Variants in GRM1 observed in about 807,000 individuals in gnomAD.
GRM1 encodes the protein glutamate metabotropic receptor 1.
In GRM1, 33 loss-of-function variants were observed where a neutral mutation model predicts 90.9. The observed-to-expected ratio is 0.36, with a 90% CI of 0.28 to 0.49. The LOEUF is 0.49. Among genes scored for constraint, GRM1 ranks in the 20% least tolerant of loss-of-function variants. The pLI, the probability that GRM1 is intolerant of heterozygous loss-of-function variation, is 0.99. For synonymous variants in GRM1, 700 were observed against 613.2 expected (o/e 1.14, Z -2.09); for missense variants, 1,190 against 1,534.3 (o/e 0.78, Z 3.75).
intron 1 of GRM1, among the ~76,000 whole-genome samples, chr6:146,062,136 A>C (rs908045997): frequency 3.9e-5 from 6 of 152,208 alleles, no homozygotes; most frequent in African/African-American, 1.4e-4. Flanking sequence ...AATGTGGCAC[A>C]TATACACCAG....
chr6:146,046,789 G>T (rs2128845375), intron 1 of GRM1, among the ~76,000 whole-genome samples: 1 of 151,998 alleles, frequency 6.6e-6, no homozygotes. Context: ...AAATTTTATG[G>T]GTACCCTGCA....
intron 7 of GRM1, 40 bp from the exon 8 acceptor site, chr6:146,433,832 G>T: frequency 7.4e-7 from 1 of 1,357,050 alleles, no homozygotes; most frequent in South Asian, 1.2e-5. Flanking sequence ...CTGTGTGCAT[G>T]ATCTATCTGC....
chr6:146,118,882 A>C (rs1583027574), intron 1 of GRM1, among the ~76,000 whole-genome samples: 1 of 152,218 alleles, frequency 6.6e-6, no homozygotes, highest in Non-Finnish European at 1.5e-5. Flanking sequence ...GTTATTGTGA[A>C]TAGTGCTGCA....
chr6:146,243,284 T>C (rs1389848338), intron 2 of GRM1, among the ~76,000 whole-genome samples: 1 of 152,142 alleles, frequency 6.6e-6, no homozygotes, highest in Non-Finnish European at 1.5e-5. Context: ...GTAATGTCTG[T>C]AGTCAGGACC....
rs1198489072 is a variant in GRM1 at position 146,399,649 on chromosome 6, C to T, written c.2610C>T (p.Asn870=). The part of the protein sequence containing the change: ...VGDGKLPCRS[N]TFLNIFRRKK... ...ATGGCAAGCTGCCCTGCCGCTCCAA[C>T]ACTTTCCTCAACATCTTCCGAAGAA... The change falls in exon 7 of 8, where the codon AAC becomes AAT. Residue 870 remains asparagine, a synonymous_variant. Transcript: ENST00000282753. This position sits in a 1 kb window ranked among gnomAD's most constrained non-coding sequence, Gnocchi z 5.4. 6.2e-7 allele frequency: 1 copy of T among 1,614,090 alleles called. No individual in the cohort carries two copies. Among genetic ancestry groups the T allele is most frequent in the Non-Finnish European group, 8.5e-7 (1 of 1,180,008 alleles).
intron 3 of GRM1, among the ~76,000 whole-genome samples, chr6:146,343,312 T>C (rs1426048886): frequency 2.0e-5 from 3 of 152,224 alleles, no homozygotes; most frequent in Non-Finnish European, 4.4e-5. Flanking sequence ...ACTTACTTTT[T>C]ATGGCTTTTT....
chr6:146,205,810 C>A (rs1015537575), intron 2 of GRM1, among the ~76,000 whole-genome samples: 2 of 152,172 alleles, frequency 1.3e-5, no homozygotes, highest in African/African-American at 4.8e-5. Context: ...TGAGGTTCAG[C>A]CTTACCCTGC....
chr6:146,423,577 C>A (rs139497358), intron 7 of GRM1, among the ~76,000 whole-genome samples: 3 of 151,846 alleles, frequency 2.0e-5, no homozygotes, highest in Non-Finnish European at 4.4e-5. Flanking sequence ...TCAAAGGAAC[C>A]GCAGAACTGT....
At chr6:146,258,877 A>G (rs1781581497) in intron 2 of GRM1, among the ~76,000 whole-genome samples, 1 of 152,178 alleles carries the variant, frequency 6.6e-6, no homozygotes, top group African/African-American at 2.4e-5. Flanking sequence ...TACCTACCCT[A>G]CTTACTATCC....
intron 2 of GRM1, among the ~76,000 whole-genome samples, chr6:146,220,642 T>C (rs1490988179): frequency 6.6e-6 from 1 of 152,148 alleles, no homozygotes; most frequent in South Asian, 2.1e-4. Flanking sequence ...TCTTACCCAT[T>C]CTTCCTTTAT....
intron 2 of GRM1, among the ~76,000 whole-genome samples, chr6:146,222,149 G>A: frequency 6.6e-6 from 1 of 152,124 alleles, no homozygotes; most frequent in Admixed American, 6.6e-5. Flanking sequence ...ATGGCTGAAT[G>A]CAAAGGTACT....
chr6:146,180,857 C>T lies in GRM1; in HGVS notation c.950+21260C>T, dbSNP rs185127339. Among the ~76,000 whole-genome samples the T allele has an allele frequency of 3.0e-3, 464 of 152,240 alleles. 2 individuals are homozygous for T. Among genetic ancestry groups the T allele is most frequent in the Middle Eastern group, 6.8e-3 (2 of 294 alleles). ...TCTAATATGTGACTTTAAGCAAAGT[C>T]GACTCTTGAATAAGAACTCACTTAC... On this transcript the variant is annotated intron_variant, in intron 2 of 7. Transcript: ENST00000282753.
intron 2 of GRM1, among the ~76,000 whole-genome samples, chr6:146,200,364 A>G (rs1008550195): frequency 6.6e-6 from 1 of 152,198 alleles, no homozygotes; most frequent in Non-Finnish European, 1.5e-5. Context: ...CCAACTTAGC[A>G]ATAACCAGAC....
At chr6:146,377,565 T>C (rs914843663) in intron 5 of GRM1, among the ~76,000 whole-genome samples, 2 of 152,062 alleles carry the variant, frequency 1.3e-5, no homozygotes, top group Non-Finnish European at 2.9e-5. Context: ...TGAAAGAGGA[T>C]AAAAGTTTGG....
intron 3 of GRM1, among the ~76,000 whole-genome samples, chr6:146,309,750 G>A (rs1583305839): frequency 6.6e-6 from 1 of 151,354 alleles, no homozygotes; most frequent in South Asian, 2.1e-4. Context: ...TTTCACAGTT[G>A]TTGTTACTGT....
intron 1 of GRM1, 133 bp downstream of exon 1, chr6:146,030,350 C>A: frequency 2.7e-6 from 2 of 731,050 alleles, no homozygotes; most frequent in Non-Finnish European, 2.4e-6. Flanking sequence ...TCAGTACTGC[C>A]CACCCAGGCA....
intron 2 of GRM1, among the ~76,000 whole-genome samples, chr6:146,207,632 C>A (rs893843889): frequency 6.6e-6 from 1 of 152,084 alleles, no homozygotes; most frequent in Admixed American, 6.5e-5. Flanking sequence ...GCTAGAGACA[C>A]CCCCAGATAT....
At chr6:146,350,468 GTT>G (rs3840131) in intron 3 of GRM1, among the ~76,000 whole-genome samples, 32 of 148,496 alleles carry the variant, frequency 2.2e-4, no homozygotes, top group Non-Finnish European at 3.0e-4. Context: ...CAATTTTTGT[GTT>G]TTTTTTTTTC....
At position 146,389,859 on chromosome 6, in the gene GRM1, C is replaced by T. The variant is rs1280586865; in HGVS notation, c.1729+2843C>T. 3.9e-5 allele frequency among the ~76,000 whole-genome samples: 6 copies of T among 152,162 alleles called. No individual in the cohort carries two copies. The East Asian group carries it at 1.2e-3, about 29-fold the overall frequency. ...AATGATCCATATTGATTCTGCCTTT[C>T]TTTTGGTCTCTTACAGGAAATCCCA... On this transcript the variant is annotated intron_variant, in intron 6 of 7. Transcript: ENST00000282753.
Sources: allele counts gnomAD v4.1 joint callset (sites outside exome capture counted in the v4.1 genomes callset), GRCh38; gene constraint gnomAD v4.1.1; non-coding constraint Gnocchi (gnomAD v3.1); transcripts MANE v1.5; gene names NCBI Gene and HGNC (gene_info 2026-07-23, HGNC 2026-07-21).